The following GLYR1 variants were observed in gnomAD, a reference collection of about 807,000 sequenced individuals.
GLYR1 encodes cytokine-like nuclear factor N-PAC.
Under a neutral mutation model 72.7 loss-of-function variants are expected in GLYR1, and 21 were observed. The observed-to-expected ratio is 0.29, with a 90% CI of 0.20 to 0.42. GLYR1 has a LOEUF of 0.42. GLYR1 is among the 10% of genes least tolerant of loss of function. GLYR1 has a pLI of 1.00. For missense variants in GLYR1, 594 were observed against 712.1 expected (o/e 0.83, Z 1.89); for synonymous variants, 392 against 270.2 (o/e 1.45, Z -4.42).
intron 5 of GLYR1, among the ~76,000 whole-genome samples, chr16:4,825,688 G>A (rs2084337610): frequency 6.7e-6 from 1 of 149,046 alleles, no homozygotes; most frequent in African/African-American, 2.5e-5. Context: ...GTCTTGCTCT[G>A]TAGCCCAGGC....
intron 7 of GLYR1, 26 bp from the exon 8 acceptor site, chr16:4,821,623 A>G (rs775765086): frequency 1.0e-5 from 16 of 1,606,850 alleles, no homozygotes; most frequent in Non-Finnish European, 8.5e-7. Flanking sequence ...GAAAGAGACT[A>G]CTTGTGCTAC....
intron 8 of GLYR1, 43 bp downstream of exon 8, chr16:4,821,504 C>A (rs751459499): frequency 1.9e-6 from 3 of 1,613,714 alleles, no homozygotes; most frequent in Middle Eastern, 1.7e-4. Flanking sequence ...CAGTTTAAGG[C>A]CCCAGGTGAA....
rs1271402050 is a variant in GLYR1, at chr16:4,807,086, G to A, written c.1588-1776C>T. Reference sequence around the variant, plus strand: ...CTCCCAAAGTGCTGGGATTACAGGCGTGAGCCACTGCGCCTGGCCCCTTTT... The same window carrying A: ...CTCCCAAAGTGCTGGGATTACAGGCATGAGCCACTGCGCCTGGCCCCTTTT... On this transcript the variant is annotated intron_variant, in intron 15 of 15. Coordinates refer to ENST00000321919, the MANE Select transcript of GLYR1 (RefSeq NM_032569.4). 5.5e-5 allele frequency among the ~76,000 whole-genome samples: 8 copies of A among 146,454 alleles called. No homozygotes were observed. The East Asian group carries it at 1.2e-3, about 23-fold the overall frequency.
intron 9 of GLYR1, among the ~76,000 whole-genome samples, chr16:4,819,718 A>C (rs2083893374): frequency 6.6e-6 from 1 of 152,044 alleles, no homozygotes; most frequent in Non-Finnish European, 1.5e-5. Context: ...CATCTCTACA[A>C]ATGGACCCCT....
Position 4,806,626 on chromosome 16 carries a change from C to T in GLYR1, c.1588-1316G>A, listed in dbSNP as rs1233914513. On this transcript the variant is annotated intron_variant, in intron 15 of 15. Transcript: ENST00000321919. The stretch of plus-strand genomic sequence containing the variant: ...TGCTTAAGCCTCGACCCTGCCTCGA[C>T]CCTGCCTCGACCTCCCAAAGTGCTA... Among the ~76,000 whole-genome samples, 1,180 of 151,958 alleles carry T rather than the reference C, an allele frequency of 7.8e-3. 9 individuals are homozygous for T. The highest frequency in any genetic ancestry group is 0.027 in the African/African-American group (1,129 of 41,416).
intron 6 of GLYR1, 152 bp downstream of exon 6, chr16:4,823,669 T>A: frequency 1.4e-6 from 1 of 708,114 alleles, no homozygotes; most frequent in South Asian, 1.8e-5. Context: ...AGAGGGAAAT[T>A]TTTAATTTTT....
At chr16:4,836,961 C>T (rs1006800923) in intron 3 of GLYR1, among the ~76,000 whole-genome samples, 1 of 152,220 alleles carries the variant, frequency 6.6e-6, no homozygotes. Flanking sequence ...GCTGGCATAA[C>T]TGCACCTGTA....
intron 4 of GLYR1, chr16:4,832,446 T>A: frequency 1.6e-6 from 1 of 613,418 alleles, no homozygotes; most frequent in East Asian, 2.9e-5. Context: ...AGAAAGGATT[T>A]AAATCTAGGC....
intron 5 of GLYR1, among the ~76,000 whole-genome samples, chr16:4,825,607 A>G (rs2084329317): frequency 6.6e-6 from 1 of 151,990 alleles, no homozygotes; most frequent in Non-Finnish European, 1.5e-5. Context: ...TTATACATAC[A>G]TTCTCATGTA....
At chr16:4,829,971 CA>C (rs905237008) in intron 5 of GLYR1, among the ~76,000 whole-genome samples, 10 of 151,698 alleles carry the variant, frequency 6.6e-5, no homozygotes, top group African/African-American at 2.2e-4. Context: ...CTGCACCCAG[CA>C]AAAAAAATTT....
Position 4,804,932 on chromosome 16 carries a change from C to CGTGTGTGTGTGT in GLYR1, c.*303_*304insACACACACACAC, listed in dbSNP as rs1421648852. 2.1e-5 allele frequency: 6 copies of CGTGTGTGTGTGT among 291,816 alleles called. No homozygotes were observed. Among genetic ancestry groups the CGTGTGTGTGTGT allele is most frequent in the African/African-American group, 5.5e-5 (2 of 36,436 alleles). 18.1% of individuals were successfully genotyped at this position (291,816 alleles called of 1,614,324 possible). On this transcript the variant is annotated 3_prime_UTR_variant, in exon 16 of 16. Transcript: ENST00000321919. ...GGCAGCTTCTATCCTGGGGCGAGAG[C>CGTGTGTGTGTGT]CTGTGTGTGTGTGTGTGTGTGTGTG...
intron 3 of GLYR1, chr16:4,839,628 AAAG>A (rs1467409543): frequency 1.6e-4 from 25 of 152,206 alleles, no homozygotes; most frequent in Non-Finnish European, 2.9e-4. Context: ...GAATCCGTAT[AAAG>A]AAGTCCTCCT....
chr16:4,845,362 T>C (rs549795017), intron 2 of GLYR1, among the ~76,000 whole-genome samples: 15 of 152,356 alleles, frequency 9.8e-5, no homozygotes, highest in Non-Finnish European at 2.1e-4. Context: ...TATGGAAATG[T>C]GTAGATATTC....
At position 4,811,710 on chromosome 16, in the gene GLYR1, G is replaced by C; in HGVS notation, c.1375C>G (p.Gln459Glu). Residue 459 changes from glutamine to glutamate, a missense_variant, in exon 14 of 16, where the codon CAG becomes GAG. Transcript: ENST00000321919. ...GTCTGCTGGGACTGGCCTGTCACCTGGGCCAGGGTCAGCCCCTCGGCAATA... is the reference window on the plus strand; with the variant it reads ...GTCTGCTGGGACTGGCCTGTCACCTCGGCCAGGGTCAGCCCCTCGGCAATA... Reference protein sequence around the residue: ...ATIAEGLTLAQVTGQSQQTLL... With the variant: ...ATIAEGLTLAEVTGQSQQTLL... The C allele has an allele frequency of 3.7e-6, 6 of 1,614,172 alleles. No homozygotes were observed. Among genetic ancestry groups the C allele is most frequent in the Non-Finnish European group, 5.1e-6 (6 of 1,180,018 alleles).
intron 10 of GLYR1, among the ~76,000 whole-genome samples, chr16:4,816,029 A>G (rs889773568): frequency 2.6e-5 from 4 of 152,146 alleles, no homozygotes; most frequent in African/African-American, 7.2e-5. Flanking sequence ...TCTGCCTTCC[A>G]AAGTGCTGGG....
chr16:4,829,406 A>G (rs1418150952), intron 5 of GLYR1, among the ~76,000 whole-genome samples: 5 of 149,056 alleles, frequency 3.4e-5, no homozygotes, highest in Non-Finnish European at 7.5e-5. Flanking sequence ...CCTGGGCTCA[A>G]GTGATCCTCC....
At chr16:4,812,352 C>A in intron 12 of GLYR1, 104 bp from the exon 13 acceptor site, 1 of 1,309,776 alleles carries the variant, frequency 7.6e-7, no homozygotes, top group South Asian at 1.5e-5. Flanking sequence ...CATCACCTTC[C>A]AGAGCTGGAG....
intron 3 of GLYR1, among the ~76,000 whole-genome samples, chr16:4,835,687 T>C (rs2142025224): frequency 6.6e-6 from 1 of 152,192 alleles, no homozygotes; most frequent in East Asian, 1.9e-4. Flanking sequence ...AAAAATTAGC[T>C]GGGTGTAGTG....
intron 3 of GLYR1, among the ~76,000 whole-genome samples, chr16:4,837,244 C>T (rs2085198307): frequency 6.6e-6 from 1 of 152,018 alleles, no homozygotes; most frequent in Admixed American, 6.6e-5. Flanking sequence ...CCAGCCTGGC[C>T]AACATGGCGA....
Sources: gnomAD v4.1 joint callset for allele counts (sites outside exome capture counted in the v4.1 genomes callset) on GRCh38, gnomAD v4.1.1 for gene constraint, MANE v1.5 for transcripts, NCBI Gene and HGNC (gene_info 2026-07-23, HGNC 2026-07-21) for gene names.